The following ARHGAP15 variants were observed in gnomAD, a reference collection of about 807,000 sequenced individuals.
ARHGAP15 encodes rho GTPase-activating protein 15.
In ARHGAP15, 51 loss-of-function variants were observed where a neutral mutation model predicts 63.7. The ratio of observed to expected loss-of-function variants is 0.80; its 90% CI spans 0.64 to 1.01. The LOEUF is 1.01. ARHGAP15 is among the 50% of genes least tolerant of loss of function. The pLI, the probability that ARHGAP15 is intolerant of heterozygous loss-of-function variation, is 0.00. For synonymous variants in ARHGAP15, 191 were observed against 193.8 expected (o/e 0.99, Z 0.12); for missense variants, 560 against 564.6 (o/e 0.99, Z 0.08).
chr2:143,158,435 G>A (rs1405732656), intron 2 of ARHGAP15, among the ~76,000 whole-genome samples: 3 of 151,902 alleles, frequency 2.0e-5, no homozygotes, highest in African/African-American at 7.2e-5. Context: ...CCTAAATGTT[G>A]CAGGAAAGCA....
chr2:143,658,648 C>G (rs1392110866), intron 12 of ARHGAP15, among the ~76,000 whole-genome samples: 1 of 151,748 alleles, frequency 6.6e-6, no homozygotes, highest in South Asian at 2.1e-4. Flanking sequence ...ATTTTTTTTT[C>G]TGCTCTGCCA....
chr2:143,477,429 T>G (rs60706394), intron 8 of ARHGAP15, among the ~76,000 whole-genome samples: 1 of 133,762 alleles, frequency 7.5e-6, no homozygotes, highest in African/African-American at 2.7e-5. Flanking sequence ...TTTTAATCAT[T>G]AATATTAATC....
intron 13 of ARHGAP15, among the ~76,000 whole-genome samples, chr2:143,743,684 A>T (rs1419654893): frequency 6.6e-6 from 1 of 152,134 alleles, no homozygotes; most frequent in Non-Finnish European, 1.5e-5. Flanking sequence ...AGTTTGCCAG[A>T]TCTTTCAGCT....
rs1051730424 is a variant in ARHGAP15 at position 143,147,156 on chromosome 2, T to G, written c.-14-8321T>G. On this transcript the variant is annotated intron_variant, in intron 1 of 13. Transcript: ENST00000295095. Reference sequence around the variant, plus strand: ...CAATCGCAGGTTAAAATTTCCTTTTTGCACTTGATACTCTCCCAACAAAGA... The same window carrying G: ...CAATCGCAGGTTAAAATTTCCTTTTGGCACTTGATACTCTCCCAACAAAGA... Among the ~76,000 whole-genome samples, 6 of 152,050 alleles carry G rather than the reference T, an allele frequency of 3.9e-5. No individual in the cohort carries two copies. In the East Asian group the frequency reaches 1.2e-3, roughly 29 times the overall value.
chr2:143,743,372 G>A (rs1351718949), intron 13 of ARHGAP15, among the ~76,000 whole-genome samples: 3 of 152,174 alleles, frequency 2.0e-5, no homozygotes, highest in Non-Finnish European at 2.9e-5. Flanking sequence ...AGTCATTAAG[G>A]TGTAGAGGTA....
chr2:143,672,247 G>A (rs1229698079), intron 12 of ARHGAP15, among the ~76,000 whole-genome samples: 1 of 152,066 alleles, frequency 6.6e-6, no homozygotes, highest in African/African-American at 2.4e-5. Context: ...TATAGTATTA[G>A]GCAGACTTAT....
chr2:143,761,878 C>T (rs760627839), intron 13 of ARHGAP15, among the ~76,000 whole-genome samples: 6 of 152,018 alleles, frequency 3.9e-5, no homozygotes, highest in South Asian at 2.1e-4. Flanking sequence ...CTGTGTATCA[C>T]TTCTCAGCTC....
intron 6 of ARHGAP15, among the ~76,000 whole-genome samples, chr2:143,326,065 C>T (rs1328927877): frequency 6.6e-6 from 1 of 152,136 alleles, no homozygotes; most frequent in Admixed American, 6.5e-5. Context: ...TCTAAACTTC[C>T]TTGTTTCAGA....
intron 10 of ARHGAP15, among the ~76,000 whole-genome samples, chr2:143,549,160 C>T (rs1448049345): frequency 6.6e-6 from 1 of 151,984 alleles, no homozygotes; most frequent in Admixed American, 6.6e-5. Flanking sequence ...TAGTATCTTC[C>T]CAAACTAATG....
At chr2:143,553,472 G>T (rs531030096) in intron 10 of ARHGAP15, among the ~76,000 whole-genome samples, 1 of 152,122 alleles carries the variant, frequency 6.6e-6, no homozygotes. Flanking sequence ...TTACTTTCTG[G>T]TTTCTGTCTC....
At chr2:143,753,587 A>G (rs1226290262) in intron 13 of ARHGAP15, among the ~76,000 whole-genome samples, 1 of 152,236 alleles carries the variant, frequency 6.6e-6, no homozygotes. Context: ...ATAAATTTAT[A>G]TGTGTAAATG....
chr2:143,726,549 G>T (rs372477228), intron 13 of ARHGAP15, among the ~76,000 whole-genome samples: 196 of 152,304 alleles, frequency 1.3e-3, no homozygotes, highest in Non-Finnish European at 2.4e-3. Flanking sequence ...TGCTTTAGAG[G>T]CACCTAATTA....
At chr2:143,344,264 A>G (rs1272495896) in intron 6 of ARHGAP15, 1 of 152,148 alleles carries the variant, frequency 6.6e-6, no homozygotes, top group African/African-American at 2.4e-5. Flanking sequence ...TTTCTTTCAA[A>G]GCCTGATATA....
intron 8 of ARHGAP15, among the ~76,000 whole-genome samples, chr2:143,476,862 G>A (rs535642910): frequency 3.9e-5 from 6 of 152,280 alleles, no homozygotes; most frequent in East Asian, 1.9e-4. Context: ...TGTTACATGC[G>A]ATGAGCTTGG....
At chr2:143,294,010 A>AC (rs1682524153) in intron 6 of ARHGAP15, among the ~76,000 whole-genome samples, 1 of 152,088 alleles carries the variant, frequency 6.6e-6, no homozygotes, top group Non-Finnish European at 1.5e-5. Context: ...AATTAGTCTT[A>AC]GTCAATTTCT....
At chr2:143,346,556 T>C (rs1221124744) in intron 6 of ARHGAP15, among the ~76,000 whole-genome samples, 1 of 152,066 alleles carries the variant, frequency 6.6e-6, no homozygotes, top group Non-Finnish European at 1.5e-5. Context: ...TCAAGTAACA[T>C]TCCCTACATT....
At chr2:143,241,223 G>T (rs62171745) in intron 5 of ARHGAP15, among the ~76,000 whole-genome samples, 25,533 of 151,984 alleles carry the variant, frequency 0.17, 2,327 homozygotes, top group Middle Eastern at 0.24. Context: ...GTAGAAACAG[G>T]GGCTTTCAAG....
At chr2:143,468,979 C>T (rs1165098244) in intron 8 of ARHGAP15, among the ~76,000 whole-genome samples, 1 of 152,120 alleles carries the variant, frequency 6.6e-6, no homozygotes, top group Admixed American at 6.6e-5. Context: ...AATGCCTATC[C>T]AGCCTTTCCT....
chr2:143,552,599 C>T (rs934801275), intron 10 of ARHGAP15, among the ~76,000 whole-genome samples: 7 of 152,022 alleles, frequency 4.6e-5, no homozygotes, highest in Non-Finnish European at 8.8e-5. Context: ...TTAAAAATCC[C>T]CTACAGCAAT....
Sources: allele counts gnomAD v4.1 joint callset (sites outside exome capture counted in the v4.1 genomes callset), GRCh38; gene constraint gnomAD v4.1.1; transcripts MANE v1.5; gene names NCBI Gene and HGNC (gene_info 2026-07-23, HGNC 2026-07-21).